The following RARS1 variants were observed in gnomAD, a reference collection of about 807,000 sequenced individuals.
RARS1 encodes the protein arginine--tRNA ligase, cytoplasmic.
In RARS1, 75 loss-of-function variants were observed where a neutral mutation model predicts 78.7. That is an observed-to-expected ratio of 0.95 (90% CI 0.79 to 1.15). RARS1 has a LOEUF of 1.15. RARS1 is among the 50% of genes most tolerant of loss of function. RARS1 has a pLI of 0.00. For missense variants in RARS1, 787 were observed against 787.5 expected (o/e 1.00, Z 0.01); for synonymous variants, 273 against 268.2 (o/e 1.02, Z -0.18).
chr5:168,488,451 A>G, intron 1 of RARS1, 151 bp from the exon 2 acceptor site: 1 of 865,854 alleles, frequency 1.2e-6, no homozygotes, highest in South Asian at 1.8e-5. Flanking sequence ...TAAGGATAAT[A>G]TGCTAACGTC....
chr5:168,510,098 A>G (rs1758535906), intron 11 of RARS1, among the ~76,000 whole-genome samples: 1 of 152,260 alleles, frequency 6.6e-6, no homozygotes, highest in Non-Finnish European at 1.5e-5. Flanking sequence ...GAATTAGTAT[A>G]CAGAGAAATT....
At chr5:168,514,533 A>G (rs950298877) in intron 12 of RARS1, among the ~76,000 whole-genome samples, 2 of 152,100 alleles carry the variant, frequency 1.3e-5, no homozygotes, top group Non-Finnish European at 1.5e-5. Flanking sequence ...CATGTTAATC[A>G]TAGTTTTCTT....
At chr5:168,494,202 G>A (rs904676102) in intron 4 of RARS1, 200 bp downstream of exon 4, 2 of 968,156 alleles carry the variant, frequency 2.1e-6, no homozygotes, top group African/African-American at 3.5e-5. Context: ...TCTTGAATGA[G>A]TTACTTTGCC....
intron 6 of RARS1, among the ~76,000 whole-genome samples, chr5:168,496,224 C>CA (rs1275154992): frequency 2.6e-5 from 4 of 151,398 alleles, no homozygotes; most frequent in South Asian, 2.1e-4. Context: ...ACTAAAAATA[C>CA]AAAAATTAGC....
rs1240050052 is a variant in RARS1, at chr5:168,518,031, C to T, written c.1842C>T (p.Ser614=). The stretch of plus-strand genomic sequence containing the variant: ...CTGCTTTCACAGAGTTCTATGATAG[C>T]TGCTACTGTGTGGAGAAAGATAGAC... ...LATAFTEFYD[S]CYCVEKDRQT... The change falls in exon 14 of 15, where the codon AGC becomes AGT. Residue 614 remains serine (S), a synonymous_variant. Transcript: ENST00000231572. The T allele has an allele frequency of 3.3e-6, 5 of 1,529,920 alleles. No individual in the cohort carries two copies. The highest frequency in any genetic ancestry group is 1.1e-5 in the South Asian group (1 of 89,564). The allele number at this position is 1,529,920 out of a possible 1,614,324, so 94.8% of individuals were successfully genotyped here.
intron 12 of RARS1, among the ~76,000 whole-genome samples, chr5:168,515,904 G>T (rs1758657473): frequency 6.6e-6 from 1 of 152,186 alleles, no homozygotes; most frequent in African/African-American, 2.4e-5. Context: ...TGTTCACAGA[G>T]TCTTTGACTC....
chr5:168,486,520 T>C lies in RARS1; in HGVS notation c.22T>C (p.Cys8Arg). The C allele has an allele frequency of 6.4e-7, 1 of 1,559,158 alleles. No homozygotes were observed. Among genetic ancestry groups the C allele is most frequent in the Non-Finnish European group, 8.7e-7 (1 of 1,150,680 alleles). Residue 8 changes from cysteine to arginine, a missense_variant, in exon 1 of 15, where the codon TGC (cysteine) becomes CGC (arginine). Coordinates refer to ENST00000231572, the MANE Select transcript of RARS1 (RefSeq NM_002887.4). The stretch of plus-strand genomic sequence containing the variant: ...GAGGATGGACGTACTGGTGTCTGAG[T>C]GCTCCGCGCGGCTGCTGCAGCAGGT... MDVLVSE[C>R]SARLLQQEEE...
intron 9 of RARS1, among the ~76,000 whole-genome samples, chr5:168,503,734 A>G (rs1758376485): frequency 6.6e-6 from 1 of 152,040 alleles, no homozygotes; most frequent in South Asian, 2.1e-4. Context: ...TGGGAGTAGT[A>G]TTTTAATCAC....
chr5:168,513,856 C>A (rs1758614531), intron 12 of RARS1, among the ~76,000 whole-genome samples: 1 of 152,016 alleles, frequency 6.6e-6, no homozygotes, highest in South Asian at 2.1e-4. Context: ...GTGACAGATT[C>A]TTTCAGAATT....
chr5:168,492,804 A>C lies in RARS1; in HGVS notation c.326A>C (p.Lys109Thr). The change falls in exon 3 of 15, where the codon AAG becomes ACG. Residue 109 changes from lysine to threonine, a missense_variant. Transcript: ENST00000231572. ...CTAGTGACACCAAGTCAGCAGGCCA[A>C]GTTTGGGGACTATCAGTGTAATAGT... is the stretch of plus-strand genomic sequence containing the variant. ...PLLVTPSQQA[K>T]FGDYQCNSAM... is the part of the protein sequence containing the mutation. 3 of 1,613,912 alleles carry C rather than the reference A, an allele frequency of 1.9e-6. No individual in the cohort carries two copies. Among genetic ancestry groups the C allele is most frequent in the Non-Finnish European group, 2.5e-6 (3 of 1,179,804 alleles).
At chr5:168,505,984 T>C (rs544622779) in intron 9 of RARS1, 37 bp from the exon 10 acceptor site, 17 of 1,541,700 alleles carry the variant, frequency 1.1e-5, no homozygotes, top group Non-Finnish European at 1.4e-5. Context: ...TTCAGGGTTC[T>C]TTTAACTTTA....
Position 168,517,867 on chromosome 5 carries a change from C to T in RARS1, c.1678C>T (p.Arg560Ter), listed in dbSNP as rs1194894242. 6.8e-6 allele frequency: 11 copies of T among 1,613,314 alleles called. No homozygotes were observed. The highest frequency in any genetic ancestry group is 4.0e-5 in the African/African-American group (3 of 74,652). Residue 560 changes from arginine (R) to a stop codon, truncating the protein, a stop_gained, in exon 14 of 15, where the codon CGA (arginine) becomes TGA (stop). Transcript: ENST00000231572. LOFTEE classifies it high-confidence loss of function. ...TGAAGAAATGCTCCAAAAAGCTGCT[C>T]GAGAAACCAAGATTCTTTTGGATCA... ...IDEEMLQKAA[R>*]ETKILLDHEK...
chr5:168,491,959 T>C (rs1328766411), intron 2 of RARS1, among the ~76,000 whole-genome samples: 1 of 149,530 alleles, frequency 6.7e-6, no homozygotes, highest in African/African-American at 2.5e-5. Flanking sequence ...TTTTTTTTTT[T>C]TTTTTTTTTT....
At position 168,516,683 on chromosome 5, in the gene RARS1, A is replaced by G. The variant is rs1175156641; in HGVS notation, c.1453-95A>G. 3 of 1,222,290 alleles carry G rather than the reference A, an allele frequency of 2.5e-6. No homozygotes were observed. The Admixed American group carries it at 6.0e-5, about 24-fold the overall frequency. 75.7% of individuals were successfully genotyped at this position (1,222,290 alleles called of 1,614,324 possible). On this transcript the variant is annotated intron_variant, in intron 12 of 14. Coordinates refer to ENST00000231572, the MANE Select transcript of RARS1 (RefSeq NM_002887.4). ...TAAAGTTTATTGGTAAAAGAATACC[A>G]TTAGATGTTCCCTACCCCAGTCTTA...
At chr5:168,508,690 T>A (rs1758500360) in intron 11 of RARS1, among the ~76,000 whole-genome samples, 1 of 152,118 alleles carries the variant, frequency 6.6e-6, no homozygotes, top group Non-Finnish European at 1.5e-5. Context: ...TTGTTTTCTT[T>A]AATGCTCACA....
chr5:168,504,207 G>T (rs1758388020), intron 9 of RARS1, among the ~76,000 whole-genome samples: 2 of 151,978 alleles, frequency 1.3e-5, no homozygotes, highest in African/African-American at 4.8e-5. Context: ...CAATGTGTGA[G>T]ACCCTGTCTC....
chr5:168,511,514 C>T, intron 12 of RARS1, among the ~76,000 whole-genome samples: 1 of 152,034 alleles, frequency 6.6e-6, no homozygotes, highest in East Asian at 1.9e-4. Flanking sequence ...GGAATCTGCC[C>T]CCATGATCCA....
intron 4 of RARS1, 197 bp from the exon 5 acceptor site, chr5:168,494,353 G>A: frequency 2.0e-6 from 2 of 985,406 alleles, no homozygotes; most frequent in South Asian, 9.4e-5. Flanking sequence ...AAGTAGGAAG[G>A]TTTCAGGAGA....
chr5:168,499,486 TATTAAAAAGTAAAC>T (rs1245446913), intron 7 of RARS1, among the ~76,000 whole-genome samples: 7 of 152,224 alleles, frequency 4.6e-5, no homozygotes, highest in Non-Finnish European at 8.8e-5. Context: ...AGGATTCCTG[TATTAAAAAGTAAAC>T]ATTTGTGGGG....
Sources: allele counts gnomAD v4.1 joint callset (sites outside exome capture counted in the v4.1 genomes callset), GRCh38; gene constraint gnomAD v4.1.1; transcripts MANE v1.5; gene names NCBI Gene and HGNC (gene_info 2026-07-23, HGNC 2026-07-21).